TBK1: variants seen among roughly 807,000 people sequenced by gnomAD.
TBK1 encodes TANK binding kinase 1, also known as serine/threonine-protein kinase TBK1.
TBK1 carries 37 observed loss-of-function variants against 99.9 expected under a neutral mutation model. The observed-to-expected ratio is 0.37, with a 90% confidence interval of 0.28 to 0.49. The LOEUF (loss-of-function observed/expected upper bound fraction) is 0.49, where lower values mean the gene tolerates loss of function less well. TBK1 is among the 20% of genes least tolerant of loss of function. The pLI is 0.98. For synonymous variants in TBK1, 258 were observed against 279.8 expected (o/e 0.92, Z 0.78); for missense variants, 644 against 872.5 (o/e 0.74, Z 3.30).
intron 6 of TBK1, among the ~76,000 whole-genome samples, chr12:64,477,854 T>C (rs549403648): frequency 6.6e-6 from 1 of 152,120 alleles, no homozygotes; most frequent in South Asian, 2.1e-4. Context: ...ATAATTATTA[T>C]GAAATAATTA....
chr12:64,469,691 T>C (rs891758448), intron 5 of TBK1, among the ~76,000 whole-genome samples: 6 of 152,192 alleles, frequency 3.9e-5, no homozygotes, highest in African/African-American at 1.4e-4. Context: ...CTGCCTCCTT[T>C]CCAGTAGCAA....
chr12:64,469,752 A>G (rs1393211991), intron 5 of TBK1, among the ~76,000 whole-genome samples: 2 of 152,152 alleles, frequency 1.3e-5, no homozygotes, highest in African/African-American at 2.4e-5. Flanking sequence ...TAACTTGTTC[A>G]AAAATTCAAT....
chr12:64,461,216 T>C (rs200587014), intron 3 of TBK1, among the ~76,000 whole-genome samples: 3 of 151,906 alleles, frequency 2.0e-5, no homozygotes, highest in South Asian at 4.1e-4. Context: ...AATCGAACTT[T>C]AAAAAAATAA....
chr12:64,497,922 C>T, intron 19 of TBK1, 46 bp from the exon 20 acceptor site: 1 of 1,546,294 alleles, frequency 6.5e-7, no homozygotes, highest in Admixed American at 1.7e-5. Flanking sequence ...CATTCTAAAA[C>T]ATTTGCATAC....
At chr12:64,494,854 C>T (rs1160448870) in intron 13 of TBK1, among the ~76,000 whole-genome samples, 1 of 152,154 alleles carries the variant, frequency 6.6e-6, no homozygotes, top group Non-Finnish European at 1.5e-5. Context: ...CTACTGACAA[C>T]ATTATTTGAA....
rs368746420 is a variant in TBK1, at chr12:64,478,511, A to G, written c.702-1501A>G. Among the ~76,000 whole-genome samples the G allele has an allele frequency of 4.6e-5, 7 of 152,340 alleles. No individual in the cohort carries two copies. In the East Asian group the frequency reaches 1.2e-3, roughly 25 times the overall value. ...AAGTAATAATCACAACTGTAAAAAG[A>G]CAATTATCTAATCTCTTCTCAAAAA... On this transcript the variant is annotated intron_variant, in intron 6 of 20. Transcript: ENST00000331710.
rs780297750 is a variant in TBK1, at chr12:64,497,174, A to G, written c.1874A>G (p.His625Arg). 2.5e-6 allele frequency: 4 copies of G among 1,597,682 alleles called. No homozygotes were observed. Among genetic ancestry groups the G allele is most frequent in the Admixed American group, 1.8e-5 (1 of 57,032 alleles). The change falls in exon 18 of 21, where the codon CAT becomes CGT. Residue 625 changes from histidine to arginine, a missense_variant. Transcript: ENST00000331710. ...TTTTTGGTTTTCAGAAAGATGCTTC[A>G]TCTTAGGAAACAGTTATTATCGCTG... The part of the protein sequence containing the change: ...KSEEWIRKML[H>R]LRKQLLSLTN...
At chr12:64,498,878 T>C (rs2040957023) in intron 20 of TBK1, among the ~76,000 whole-genome samples, 1 of 150,494 alleles carries the variant, frequency 6.6e-6, no homozygotes, top group Non-Finnish European at 1.5e-5. Context: ...ATCACCTGAA[T>C]CTGGGAGATG....
intron 1 of TBK1, among the ~76,000 whole-genome samples, chr12:64,454,024 T>C (rs1221107716): frequency 1.3e-5 from 2 of 152,054 alleles, no homozygotes; most frequent in Non-Finnish European, 2.9e-5. Flanking sequence ...TATGGGAATA[T>C]TATGCAGTGA....
Position 64,464,278 on chromosome 12 carries a change from A to G in TBK1, c.229-56A>G. 3.5e-6 allele frequency: 5 copies of G among 1,436,274 alleles called. No individual in the cohort carries two copies. The South Asian group carries it at 6.3e-5, about 18-fold the overall frequency. The allele number at this position is 1,436,274 out of a possible 1,614,324, so 89.0% of individuals were successfully genotyped here. A position where few individuals can be genotyped will look rare whatever the true frequency, so the allele number is the denominator to read the frequency against. On this transcript the variant is annotated intron_variant, in intron 3 of 20. Transcript: ENST00000331710. The stretch of plus-strand genomic sequence containing the variant: ...TAAATGAAATCAGATAAGTACTGGC[A>G]TATAATCAAAATTTATTTTTTATGT...
chr12:64,455,725 T>G (rs2040479532), intron 1 of TBK1, 115 bp from the exon 2 acceptor site: 5 of 618,654 alleles, frequency 8.1e-6, no homozygotes, highest in Non-Finnish European at 2.9e-6. Context: ...GTTTATACAC[T>G]TCATGTCAGT....
intron 18 of TBK1, 123 bp downstream of exon 18, chr12:64,497,382 A>G (rs2040938957): frequency 1.6e-5 from 11 of 709,648 alleles, no homozygotes; most frequent in Non-Finnish European, 2.2e-5. Context: ...TTTAATATGT[A>G]TTTTGAGCCA....
chr12:64,466,824 A>G (rs1232246792), intron 4 of TBK1, 77 bp from the exon 5 acceptor site: 11 of 1,190,678 alleles, frequency 9.2e-6, no homozygotes, highest in Admixed American at 8.8e-5. Context: ...TTGGGTGACT[A>G]TATCAATGAA....
At chr12:64,489,710 A>T (rs1438022316) in intron 12 of TBK1, among the ~76,000 whole-genome samples, 1 of 150,652 alleles carries the variant, frequency 6.6e-6, no homozygotes, top group Non-Finnish European at 1.5e-5. Context: ...CTGGGACTAC[A>T]GGTGCATGCC....
intron 5 of TBK1, among the ~76,000 whole-genome samples, chr12:64,473,553 A>G (rs187121352): frequency 3.0e-4 from 45 of 152,338 alleles, no homozygotes; most frequent in Admixed American, 2.5e-3. Context: ...AGATGATATG[A>G]TAGGCTCTAC....
chr12:64,458,683 G>A (rs2136055380), intron 2 of TBK1, among the ~76,000 whole-genome samples: 1 of 152,236 alleles, frequency 6.6e-6, no homozygotes, highest in East Asian at 1.9e-4. Flanking sequence ...TGACCATGAG[G>A]TCAGTGGGTA....
Position 64,480,023 on chromosome 12 carries a change from T to C in TBK1, c.713T>C (p.Ile238Thr), listed in dbSNP as rs765300430. 1 of 1,611,440 alleles carries C rather than the reference T, an allele frequency of 6.2e-7. No homozygotes were observed. The highest frequency in any genetic ancestry group is 1.1e-5 in the South Asian group (1 of 90,670). ...TTGTTCCTCCCAAGGTATAAAATAA[T>C]TACAGGAAAGCCTTCTGGTGCAATA... ...RRNKEVMYKIITGKPSGAISG... is the reference protein window; with the variant it reads ...RRNKEVMYKITTGKPSGAISG... Residue 238 changes from isoleucine to threonine, a missense_variant, in exon 7 of 21, where the codon ATT becomes ACT. By Grantham distance (89) the Ile-to-Thr change is moderately conservative. Coordinates refer to ENST00000331710, the MANE Select transcript of TBK1 (RefSeq NM_013254.4).
intron 11 of TBK1, among the ~76,000 whole-genome samples, chr12:64,487,692 G>C (rs1438753078): frequency 2.6e-5 from 4 of 152,152 alleles, no homozygotes; most frequent in African/African-American, 4.8e-5. Context: ...GTAAACCACT[G>C]TTGGCAAACA....
At chr12:64,455,985 T>G (rs1278649248) in intron 2 of TBK1, 28 bp downstream of exon 2, 5 of 1,502,584 alleles carry the variant, frequency 3.3e-6, no homozygotes. Flanking sequence ...TTTGAAGACC[T>G]TTTATCACTG....
Sources: allele counts gnomAD v4.1 joint callset (sites outside exome capture counted in the v4.1 genomes callset), GRCh38; gene constraint gnomAD v4.1.1; transcripts MANE v1.5; gene names NCBI Gene and HGNC (gene_info 2026-07-23, HGNC 2026-07-21).